SIPA1L3: variants seen among roughly 807,000 people sequenced by gnomAD.
SIPA1L3 encodes signal induced proliferation associated 1 like 3.
In SIPA1L3, 59 loss-of-function variants were observed where a neutral mutation model predicts 150.1. The observed-to-expected ratio is 0.39, with a 90% CI of 0.32 to 0.49. SIPA1L3 has a LOEUF of 0.49. SIPA1L3 is among the 20% of genes least tolerant of loss of function. The probability of loss-of-function intolerance (pLI) is 0.86; values close to 1 mark genes in which losing one functional copy is unlikely to be tolerated. For synonymous variants in SIPA1L3, 1,070 were observed against 1,077.6 expected (o/e 0.99, Z 0.14); for missense variants, 2,211 against 2,489.5 (o/e 0.89, Z 2.38).
At chr19:38,122,981 C>T (rs1971056677) in intron 9 of SIPA1L3, among the ~76,000 whole-genome samples, 1 of 152,240 alleles carries the variant, frequency 6.6e-6, no homozygotes, top group Admixed American at 6.5e-5. Context: ...CTGTTCACTG[C>T]CGTGTCCTCA....
chr19:38,136,870 T>C (rs1971447981), intron 10 of SIPA1L3, among the ~76,000 whole-genome samples: 1 of 152,188 alleles, frequency 6.6e-6, no homozygotes, highest in South Asian at 2.1e-4. Context: ...CAAGGTGGTT[T>C]GGTTGGATTT....
chr19:38,003,882 C>G (rs1346289844), intron 1 of SIPA1L3, among the ~76,000 whole-genome samples: 9 of 152,182 alleles, frequency 5.9e-5, no homozygotes, highest in Non-Finnish European at 1.2e-4. Context: ...AAATCTCTTT[C>G]ATTTCAGATC....
intron 10 of SIPA1L3, among the ~76,000 whole-genome samples, chr19:38,131,479 G>A (rs1327938916): frequency 1.3e-5 from 2 of 152,120 alleles, no homozygotes; most frequent in East Asian, 1.9e-4. Context: ...GGAGCAGAGC[G>A]AGCAGGAGTG....
chr19:38,058,982 G>A (rs917722725), intron 2 of SIPA1L3, among the ~76,000 whole-genome samples: 7 of 144,338 alleles, frequency 4.8e-5, no homozygotes, highest in African/African-American at 7.8e-5. Context: ...CTGAGATCCC[G>A]CCACTGCACT....
intron 8 of SIPA1L3, among the ~76,000 whole-genome samples, chr19:38,111,028 T>G (rs1211405980): frequency 1.4e-5 from 2 of 148,126 alleles, no homozygotes; most frequent in African/African-American, 2.6e-5. Context: ...TTTTGGGTTT[T>G]TTTTTTTTTT....
At chr19:38,151,114 C>G (rs2145957884) in intron 12 of SIPA1L3, among the ~76,000 whole-genome samples, 1 of 152,286 alleles carries the variant, frequency 6.6e-6, no homozygotes, top group South Asian at 2.1e-4. Context: ...GCAGCAGCAG[C>G]TTATGATGTT....
In SIPA1L3 at chr19:38,193,714, C is replaced by T. The variant is rs368339617; in HGVS notation, c.4774C>T (p.His1592Tyr). The T allele has an allele frequency of 1.9e-6, 3 of 1,568,998 alleles. No homozygotes were observed. Among genetic ancestry groups the T allele is most frequent in the African/African-American group, 2.7e-5 (2 of 73,250 alleles). The change falls in exon 18 of 22, where the codon CAC (histidine) becomes TAC (tyrosine). Residue 1592 changes from histidine (H) to tyrosine (Y), a missense_variant. Transcript: ENST00000222345. ...STLPARRQHQ[H>Y]PHPPVGPGAT... is the part of the protein sequence containing the mutation. ...GCTGCCTGCACGCCGCCAGCACCAG[C>T]ACCCCCACCCGCCCGTCGGCCCCGG...
At chr19:37,954,048 C>T (rs918716059) in intron 1 of SIPA1L3, among the ~76,000 whole-genome samples, 20 of 151,692 alleles carry the variant, frequency 1.3e-4, no homozygotes, top group East Asian at 1.9e-4. Context: ...TTTTGAAGGT[C>T]GAATGTAATT....
chr19:38,196,032 CCT>C (rs1295315140), intron 18 of SIPA1L3, among the ~76,000 whole-genome samples: 1 of 152,160 alleles, frequency 6.6e-6, no homozygotes, highest in Non-Finnish European at 1.5e-5. Flanking sequence ...CCCCCACACC[CCT>C]GAGCTGGGGA....
intron 13 of SIPA1L3, among the ~76,000 whole-genome samples, chr19:38,161,947 C>T (rs955186757): frequency 2.0e-4 from 31 of 151,822 alleles, no homozygotes; most frequent in East Asian, 1.9e-4. Flanking sequence ...GAGGCTGAGG[C>T]GGGAGGATGG....
chr19:38,022,141 C>T (rs1276916235), intron 1 of SIPA1L3, among the ~76,000 whole-genome samples: 1 of 152,218 alleles, frequency 6.6e-6, no homozygotes, highest in Non-Finnish European at 1.5e-5. Flanking sequence ...GCTGTGCCGT[C>T]TACTTGCTGT....
intron 9 of SIPA1L3, among the ~76,000 whole-genome samples, chr19:38,124,447 G>A (rs1182259245): frequency 6.6e-6 from 1 of 151,442 alleles, no homozygotes; most frequent in African/African-American, 2.4e-5. Context: ...ATGGGATGGC[G>A]GCCGGGAAGA....
chr19:38,154,016 T>C (rs766378179), intron 13 of SIPA1L3, among the ~76,000 whole-genome samples: 2 of 152,046 alleles, frequency 1.3e-5, no homozygotes, highest in African/African-American at 4.8e-5. Flanking sequence ...GCAGGAAATA[T>C]AACATGGCTA....
chr19:38,111,901 A>G (rs1970756807), intron 8 of SIPA1L3, among the ~76,000 whole-genome samples: 1 of 151,796 alleles, frequency 6.6e-6, no homozygotes, highest in Admixed American at 6.6e-5. Flanking sequence ...GCACATGCAC[A>G]CACACACATG....
Position 38,193,588 on chromosome 19 carries a change from A to T in SIPA1L3, c.4648A>T (p.Ser1550Cys). 1 of 1,556,464 alleles carries T rather than the reference A, an allele frequency of 6.4e-7. No individual in the cohort carries two copies. Among genetic ancestry groups the T allele is most frequent in the Non-Finnish European group, 8.6e-7 (1 of 1,161,924 alleles). Residue 1550 changes from serine (S) to cysteine (C), a missense_variant, in exon 18 of 22, where the codon AGC (serine) becomes TGC (cysteine). Coordinates refer to ENST00000222345, the MANE Select transcript of SIPA1L3 (RefSeq NM_015073.3). ...QRTLSDESLCSGRREPSFASP... is the reference protein window; with the variant it reads ...QRTLSDESLCCGRREPSFASP... ...GACGCTGTCGGACGAGAGCCTGTGCAGCGGGCGCCGGGAGCCCAGCTTCGC... is the reference window on the plus strand; with the variant it reads ...GACGCTGTCGGACGAGAGCCTGTGCTGCGGGCGCCGGGAGCCCAGCTTCGC...
At chr19:38,150,242 A>G (rs904391251) in intron 12 of SIPA1L3, among the ~76,000 whole-genome samples, 4 of 151,602 alleles carry the variant, frequency 2.6e-5, no homozygotes, top group Non-Finnish European at 5.9e-5. Context: ...GGCAGGGAGG[A>G]TGGTGTGTTT....
rs1227436491 is a variant in SIPA1L3, at chr19:38,150,351, C to T, written c.3534-2489C>T. Among the ~76,000 whole-genome samples the T allele has an allele frequency of 5.3e-5, 8 of 152,094 alleles. 1 individual carries two copies. The South Asian group carries it at 1.5e-3, about 28-fold the overall frequency. On this transcript the variant is annotated intron_variant, in intron 12 of 21. Transcript: ENST00000222345. ...GGGCATTGAAGCCAGGGGATTAGGG[C>T]AGGGTCCCTGTAGAGACAGTCCTGG...
At chr19:38,033,770 G>T (rs933207666) in intron 2 of SIPA1L3, among the ~76,000 whole-genome samples, 1 of 152,076 alleles carries the variant, frequency 6.6e-6, no homozygotes, top group East Asian at 1.9e-4. Flanking sequence ...ACAGCGACTG[G>T]GCTTGGTAAG....
chr19:37,961,374 T>G lies in SIPA1L3; in HGVS notation c.-379+54016T>G, dbSNP rs577955879. Among the ~76,000 whole-genome samples the G allele has an allele frequency of 4.6e-5, 7 of 151,218 alleles. No homozygotes were observed. The South Asian group carries it at 1.5e-3, about 32-fold the overall frequency. The stretch of plus-strand genomic sequence containing the variant: ...TGGCTATAGAATTCTTATTTGACAG[T>G]TTTTTTTTCTTCAGCATTTTGAAAA... On this transcript the variant is annotated intron_variant, in intron 1 of 21. Transcript: ENST00000222345.
Sources: allele counts gnomAD v4.1 joint callset (sites outside exome capture counted in the v4.1 genomes callset), GRCh38; gene constraint gnomAD v4.1.1; transcripts MANE v1.5; gene names NCBI Gene and HGNC (gene_info 2026-07-23, HGNC 2026-07-21).